The following RBM41 variants were observed in gnomAD, a reference collection of about 807,000 sequenced individuals.
RBM41 encodes RNA-binding protein 41.
RBM41 carries 14 observed loss-of-function variants against 30.8 expected under a neutral mutation model. The observed-to-expected ratio is 0.45, with a 90% CI of 0.30 to 0.71. The LOEUF (loss-of-function observed/expected upper bound fraction) is 0.71. RBM41 is among the 30% of genes least tolerant of loss of function. RBM41 has a pLI of 0.08. For missense variants in RBM41, 276 were observed against 326.3 expected, an observed-to-expected ratio of 0.85 and a Z score of 1.19; for synonymous variants, 120 against 110.1, an observed-to-expected ratio of 1.09 and a Z score of -0.56.
chrX:107,116,800 G>A (rs1924917252), intron 1 of RBM41, 34 bp from the exon 2 acceptor site: 3 of 1,157,780 alleles, frequency 2.6e-6, no homozygotes, highest in South Asian at 1.9e-5. Flanking sequence ...ACAGAAAACG[G>A]AAGAGACTGT....
At chrX:107,093,680 G>A (rs914857049) in intron 5 of RBM41, among the ~76,000 whole-genome samples, 6 of 111,282 alleles carry the variant, frequency 5.4e-5, no homozygotes, top group Non-Finnish European at 1.1e-4. Context: ...TTCCAAGTTA[G>A]GAAACTAGAA....
In RBM41 at chrX:107,066,816, C is replaced by T. The variant is rs2147863386; in HGVS notation, c.*711G>A. On this transcript the variant is annotated 3_prime_UTR_variant, in exon 8 of 8. Coordinates refer to ENST00000685964, the MANE Select transcript of RBM41 (RefSeq NM_001324242.2). ...TGTTCCTCTTCTAAAATTCATATGC[C>T]TAATATTTAACATATATTAGACACT... is the stretch of plus-strand genomic sequence containing the variant. 1 of 736,230 alleles carries T rather than the reference C, an allele frequency of 1.4e-6. No individual in the cohort carries two copies. The highest frequency in any genetic ancestry group is 6.9e-5 in the South Asian group (1 of 14,409). 60.7% of individuals were successfully genotyped at this position (736,230 alleles called of 1,213,427 possible).
Position 107,090,306 on chromosome X carries a change from G to A in RBM41, c.596-1467C>T, listed in dbSNP as rs1032827963. Reference sequence around the variant, plus strand: ...GGAGAATTGCTTGAACCTGGGAAGCGGAGGTTGCAGTGAGCCGAGATCGCG... The same window carrying A: ...GGAGAATTGCTTGAACCTGGGAAGCAGAGGTTGCAGTGAGCCGAGATCGCG... On this transcript the variant is annotated intron_variant, in intron 5 of 7. Coordinates refer to ENST00000685964, the MANE Select transcript of RBM41 (RefSeq NM_001324242.2). 3.6e-5 allele frequency among the ~76,000 whole-genome samples: 4 copies of A among 111,345 alleles called. No homozygotes were observed. In the East Asian group the frequency reaches 8.5e-4, roughly 24 times the overall value.
chrX:107,115,862 CT>C lies in RBM41; in HGVS notation c.317del (p.Lys106ArgfsTer5). On this transcript the variant is annotated frameshift_variant and splice_region_variant, in exon 3 of 8. Coordinates refer to ENST00000685964, the MANE Select transcript of RBM41 (RefSeq NM_001324242.2). LOFTEE classifies it high-confidence loss of function. The part of the protein sequence containing the change: ...LIWKSHVSGE[K>X]KTKLRATPEA... ...CAAAAAAAAACATTACCCCACTCACCTTTTCACCAGAAACATGGCTCTTCCA... is the reference window on the plus strand; with the variant it reads ...CAAAAAAAAACATTACCCCACTCACCTTTCACCAGAAACATGGCTCTTCCA... The C allele has an allele frequency of 8.5e-7, 1 of 1,179,145 alleles. No homozygotes were observed. Among genetic ancestry groups the C allele is most frequent in the Non-Finnish European group, 1.1e-6 (1 of 878,523 alleles).
chrX:107,103,075 T>C (rs1448020891), intron 5 of RBM41, among the ~76,000 whole-genome samples: 2 of 110,850 alleles, frequency 1.8e-5, no homozygotes, highest in Non-Finnish European at 3.8e-5. Flanking sequence ...ATTTAGATGA[T>C]ATTTGGGACT....
chrX:107,052,287 T>C, the RBM41 span, among the ~76,000 whole-genome samples: 1 of 111,403 alleles, frequency 9.0e-6, no homozygotes, highest in Admixed American at 9.5e-5. Flanking sequence ...GCTATTTCTT[T>C]ACCTCCTGTT....
intron 5 of RBM41, among the ~76,000 whole-genome samples, chrX:107,089,678 T>C (rs1431445059): frequency 8.9e-6 from 1 of 112,038 alleles, no homozygotes; most frequent in African/African-American, 3.2e-5. Flanking sequence ...TTTTAGGAAA[T>C]AATCCTTTAT....
chrX:107,070,331 C>T (rs1469539869), intron 6 of RBM41: 1 of 329,499 alleles, frequency 3.0e-6, no homozygotes. Context: ...ATGTTGAGGT[C>T]CTCCCAGTCC....
chrX:107,116,149 A>ACCAGCAAATTTTCTCTTACATCTTAT, intron 2 of RBM41, 95 bp from the exon 3 acceptor site: 2 of 993,782 alleles, frequency 2.0e-6, no homozygotes. Flanking sequence ...AATGAAACTC[A>ACCAGCAAATTTTCTCTTACATCTTAT]CCAGCAAATT....
intron 5 of RBM41, 109 bp from the exon 6 acceptor site, chrX:107,088,948 G>A: frequency 9.7e-7 from 1 of 1,028,893 alleles, no homozygotes. Flanking sequence ...CACTGCTGGG[G>A]CAGGTCTTTA....
chrX:107,058,536 G>C (rs1935603782), downstream of RBM41, among the ~76,000 whole-genome samples: 1 of 110,856 alleles, frequency 9.0e-6, no homozygotes, highest in Non-Finnish European at 1.9e-5. Flanking sequence ...GGCCAGATTT[G>C]GTTATAGAGC....
chrX:107,115,823 A>G, intron 3 of RBM41, 39 bp downstream of exon 3: 1 of 1,131,425 alleles, frequency 8.8e-7, no homozygotes, highest in Non-Finnish European at 1.2e-6. Context: ...TGTTTCTTTG[A>G]GGAGAAAAAC....
chrX:107,115,934 A>G lies in RBM41; in HGVS notation c.246T>C (p.Thr82=). The G allele has an allele frequency of 8.3e-7, 1 of 1,210,302 alleles. No homozygotes were observed. Among genetic ancestry groups the G allele is most frequent in the Non-Finnish European group, 1.1e-6 (1 of 894,788 alleles). The stretch of plus-strand genomic sequence containing the variant: ...TAAGCCCTAATTCCCTGAGAGAAGC[A>G]GTTTCCTGGTCCTTCTCATGCAGTG... ...FQTLHEKDQE[T]ASLRELGLNE... is the part of the protein sequence containing the mutation. Residue 82 remains threonine (T), a synonymous_variant, in exon 3 of 8, where the codon ACT becomes ACC. Transcript: ENST00000685964.
At chrX:107,060,039 C>A (rs541372625), downstream of RBM41, among the ~76,000 whole-genome samples, 187 of 110,561 alleles carry the variant, frequency 1.7e-3, 1 homozygote, top group South Asian at 0.029. Flanking sequence ...TACCAGAAAA[C>A]AAGGAAGTGG....
chrX:107,110,780 G>A (rs1924400492), intron 5 of RBM41, among the ~76,000 whole-genome samples: 1 of 111,347 alleles, frequency 9.0e-6, no homozygotes. Context: ...AGGGTGCCAG[G>A]ATCATTCAGT....
rs1444643374 is a variant in RBM41, at chrX:107,065,094, G to A, written c.*2433C>T. ...GAATAGCCACTCCAGCTTTCTTATG[G>A]CTGTTGTCTGTGTGATATATTTGTT... On this transcript the variant is annotated 3_prime_UTR_variant, in exon 8 of 8. Coordinates refer to ENST00000685964, the MANE Select transcript of RBM41 (RefSeq NM_001324242.2). The A allele has an allele frequency of 2.7e-5, 3 of 111,282 alleles. No individual in the cohort carries two copies. The highest frequency in any genetic ancestry group is 9.8e-5 in the African/African-American group (3 of 30,662). The allele number at this position is 111,282 out of a possible 1,213,427, so 9.2% of individuals were successfully genotyped here. A position where few individuals can be genotyped will look rare whatever the true frequency, so the allele number is the denominator to read the frequency against.
chrX:107,085,752 T>A (rs1921984033), intron 6 of RBM41, among the ~76,000 whole-genome samples: 4 of 112,210 alleles, frequency 3.6e-5, no homozygotes, highest in Non-Finnish European at 7.5e-5. Flanking sequence ...ATAAACACTT[T>A]TATTTTTATT....
intron 4 of RBM41, chrX:107,114,318 C>T (rs191762952): frequency 1.8e-5 from 2 of 111,857 alleles, no homozygotes; most frequent in African/African-American, 6.5e-5. Flanking sequence ...TTATTGACCA[C>T]CAGATTAATA....
Position 107,069,309 on chromosome X carries a change from G to T in RBM41, c.1093C>A (p.Gln365Lys). ...RFQEKKGPPI[Q>K]FRMMTGRMRG... ...ATTCGTCCAGTCATCATTCGGAATT[G>T]AATTGGAGGTCCTTTTTTCTCCTGG... is the stretch of plus-strand genomic sequence containing the variant. Residue 365 changes from glutamine to lysine, a missense_variant, in exon 7 of 8, where the codon CAA becomes AAA. By Grantham distance (53) the Gln-to-Lys change is moderately conservative. Transcript: ENST00000685964. 8.3e-7 allele frequency: 1 copy of T among 1,210,699 alleles called. No homozygotes were observed.
Sources: gnomAD v4.1 joint callset for allele counts (sites outside exome capture counted in the v4.1 genomes callset) on GRCh38, gnomAD v4.1.1 for gene constraint, MANE v1.5 for transcripts, NCBI Gene and HGNC (gene_info 2026-07-23, HGNC 2026-07-21) for gene names.